CGREF1: variants seen among roughly 807,000 people sequenced by gnomAD.
CGREF1 encodes cell growth regulator with EF hand domain protein 1.
CGREF1 carries 16 observed loss-of-function variants against 17.4 expected under a neutral mutation model. The ratio of observed to expected loss-of-function variants is 0.92; its 90% CI spans 0.62 to 1.40. The LOEUF is 1.40. Ranked by LOEUF, CGREF1 falls within the 40% of genes most tolerant of loss-of-function variation. The pLI, the probability that CGREF1 is intolerant of heterozygous loss-of-function variation, is 0.00. For synonymous variants in CGREF1, 142 were observed against 154.6 expected, an observed-to-expected ratio of 0.92 and a Z score of 0.61; for missense variants, 296 against 376.4, an observed-to-expected ratio of 0.79 and a Z score of 1.77.
At chr2:27,111,285 T>G (rs1671370324) in intron 1 of CGREF1, among the ~76,000 whole-genome samples, 1 of 151,970 alleles carries the variant, frequency 6.6e-6, no homozygotes, top group Non-Finnish European at 1.5e-5. Flanking sequence ...AGATACAGAG[T>G]GTCAATTGGT....
chr2:27,101,291 C>G lies in CGREF1; in HGVS notation c.940G>C (p.Glu314Gln), dbSNP rs752199429. ...TTCAAGATCTAGATCTCATCATTCT[C>G]CACTTGAACAATGTGCACCTCAAAG... ...NDFEVHIVQV[E>Q]NDEI The change falls in exon 6 of 6, where the codon GAG (glutamate) becomes CAG (glutamine). Residue 314 changes from glutamate to glutamine, a missense_variant. Around this residue, in one of 3 missense-constraint regions of CGREF1, gnomAD observed 40 missense variants for 40.8 expected, o/e 0.98. Transcript: ENST00000402394. The G allele has an allele frequency of 6.4e-7, 1 of 1,564,948 alleles. No homozygotes were observed. The highest frequency in any genetic ancestry group is 1.9e-5 in the Admixed American group (1 of 53,730).
At chr2:27,112,014 C>T (rs936777179) in intron 1 of CGREF1, among the ~76,000 whole-genome samples, 3 of 152,238 alleles carry the variant, frequency 2.0e-5, no homozygotes, top group Admixed American at 2.0e-4. Context: ...ACTGTCACCT[C>T]TCACCAGCAC....
chr2:27,102,031 A>G (rs1234640100), intron 5 of CGREF1, 66 bp downstream of exon 5: 3 of 1,561,710 alleles, frequency 1.9e-6, no homozygotes, highest in Non-Finnish European at 1.7e-6. Context: ...AGTTATGATG[A>G]GAAAGACCAA....
chr2:27,112,525 T>G (rs1408019235), intron 1 of CGREF1, among the ~76,000 whole-genome samples: 1 of 152,186 alleles, frequency 6.6e-6, no homozygotes, highest in Non-Finnish European at 1.5e-5. Context: ...ACCTGAAATG[T>G]TTTTAGAGAG....
intron 1 of CGREF1, among the ~76,000 whole-genome samples, chr2:27,107,935 A>AC (rs1671196920): frequency 7.2e-6 from 1 of 138,784 alleles, no homozygotes; most frequent in Non-Finnish European, 1.5e-5. Flanking sequence ...CTCTGTCTCA[A>AC]AAAAAAAAAA....
intron 1 of CGREF1, among the ~76,000 whole-genome samples, chr2:27,117,705 A>ATTTT (rs35908937): frequency 0.018 from 2,202 of 123,042 alleles, 34 homozygotes; most frequent in Non-Finnish European, 0.027. Context: ...TGGGATCTGA[A>ATTTT]TTTTTTTTTT....
intron 1 of CGREF1, among the ~76,000 whole-genome samples, chr2:27,116,914 TCTCTC>T (rs1671602767): frequency 1.0e-5 from 1 of 98,224 alleles, no homozygotes; most frequent in African/African-American, 4.0e-5. Flanking sequence ...TCTCTCTCTC[TCTCTC>T]TCTCTTTTTT....
At chr2:27,102,652 A>G in intron 2 of CGREF1, 61 bp from the exon 3 acceptor site, 1 of 1,518,994 alleles carries the variant, frequency 6.6e-7, no homozygotes, top group Non-Finnish European at 8.9e-7. Flanking sequence ...CAGCCTGCCA[A>G]CCTTCTGCCT....
chr2:27,099,765 TC>T, downstream of CGREF1: 1 of 1,612,964 alleles, frequency 6.2e-7, no homozygotes, highest in South Asian at 1.1e-5. Flanking sequence ...AGGTGCCGGC[TC>T]CTCACACACC....
At position 27,100,871 on chromosome 2, in the gene CGREF1, G is replaced by A. The variant is rs144960310; in HGVS notation, c.*403C>T. On this transcript the variant is annotated 3_prime_UTR_variant, in exon 6 of 6. Transcript: ENST00000402394. ...TCTGAACACCAGGTGAGGGGGAACC[G>A]GTGAGGGTTTGGGGCCCAGGGATAG... is the stretch of plus-strand genomic sequence containing the variant. 9.6e-3 allele frequency: 10,483 copies of A among 1,088,346 alleles called. 74 individuals are homozygous for A. The highest frequency in any genetic ancestry group is 0.029 in the African/African-American group (1,712 of 59,886). The allele number at this position is 1,088,346 out of a possible 1,614,324, so 67.4% of individuals were successfully genotyped here.
intron 1 of CGREF1, among the ~76,000 whole-genome samples, chr2:27,108,648 A>T (rs1462131132): frequency 2.0e-5 from 3 of 148,368 alleles, no homozygotes; most frequent in African/African-American, 7.3e-5. Flanking sequence ...AAGAAAAGAC[A>T]AATCATCTCA....
downstream of CGREF1, chr2:27,099,756 G>A (rs761733526): frequency 2.1e-5 from 34 of 1,613,592 alleles, no homozygotes; most frequent in East Asian, 2.7e-4. Context: ...TGTGAGAGCA[G>A]GTGCCGGCTC....
In CGREF1 at chr2:27,101,328, G is replaced by A. The variant is rs1670819578; in HGVS notation, c.903C>T (p.Asn301=). The A allele has an allele frequency of 5.6e-6, 9 of 1,600,740 alleles. No homozygotes were observed. The Admixed American group carries it at 6.9e-5, about 12-fold the overall frequency. ...ELPGETLESK[N]TQNDFEVHIV... ...TGTGCACCTCAAAGTCATTTTGGGT[G>A]TTCTTAGACTCCAGTGTTTCCCCTG... The change falls in exon 6 of 6, where the codon AAC becomes AAT. Residue 301 remains asparagine, a synonymous_variant. Coordinates refer to ENST00000402394, the MANE Select transcript of CGREF1 (RefSeq NM_006569.6).
chr2:27,101,458 TCCC>T lies in CGREF1; in HGVS notation c.770_772del (p.Gly257del). On this transcript the variant is annotated inframe_deletion, in exon 6 of 6. Coordinates refer to ENST00000402394, the MANE Select transcript of CGREF1 (RefSeq NM_006569.6). The stretch of plus-strand genomic sequence containing the variant: ...TTCAGCCTCTGCCTGGCCCCCAGCT[TCCC>T]CTCTGGGCCCGGGGGCATCTCCTTC... 7.2e-7 allele frequency: 1 copy of T among 1,395,810 alleles called. No homozygotes were observed. Among genetic ancestry groups the T allele is most frequent in the East Asian group, 2.4e-5 (1 of 42,352 alleles). The allele number at this position is 1,395,810 out of a possible 1,614,324, so 86.5% of individuals were successfully genotyped here.
chr2:27,116,661 C>T (rs1394953272), intron 1 of CGREF1, among the ~76,000 whole-genome samples: 1 of 151,660 alleles, frequency 6.6e-6, no homozygotes, highest in African/African-American at 2.4e-5. Context: ...CCTCCACCTC[C>T]CGAGTTCAAG....
intron 1 of CGREF1, among the ~76,000 whole-genome samples, chr2:27,111,408 G>T (rs1671377385): frequency 6.6e-6 from 1 of 152,224 alleles, no homozygotes; most frequent in African/African-American, 2.4e-5. Context: ...AGACATAAAG[G>T]TTCTCCAAGT....
chr2:27,104,438 T>A, intron 1 of CGREF1, 61 bp from the exon 2 acceptor site: 1 of 1,589,772 alleles, frequency 6.3e-7, no homozygotes, highest in Non-Finnish European at 8.6e-7. Context: ...GTGTCACAGA[T>A]GGGCTGGGTT....
chr2:27,100,917 T>C lies in CGREF1; in HGVS notation c.*357A>G, dbSNP rs1670782898. The C allele has an allele frequency of 1.5e-5, 16 of 1,092,520 alleles. No individual in the cohort carries two copies. The South Asian group carries it at 4.2e-4, about 29-fold the overall frequency. The allele number at this position is 1,092,520 out of a possible 1,614,324, so 67.7% of individuals were successfully genotyped here. A position where few individuals can be genotyped will look rare whatever the true frequency, so the allele number is the denominator to read the frequency against. On this transcript the variant is annotated 3_prime_UTR_variant, in exon 6 of 6. Coordinates refer to ENST00000402394, the MANE Select transcript of CGREF1 (RefSeq NM_006569.6). ...GATAGACTGAGCTTTCCTCACTGGG[T>C]CCTCTGCAGCCGGCCATGGCTAGCA... is the stretch of plus-strand genomic sequence containing the variant.
chr2:27,106,179 A>G (rs186396072), intron 1 of CGREF1, among the ~76,000 whole-genome samples: 4 of 152,392 alleles, frequency 2.6e-5, no homozygotes, highest in East Asian at 3.9e-4. Flanking sequence ...AAATGTCCCA[A>G]TGAAAGTAAC....
Sources: allele counts gnomAD v4.1 joint callset (sites outside exome capture counted in the v4.1 genomes callset), GRCh38; gene constraint gnomAD v4.1.1; regional missense constraint gnomAD v4.1.1; transcripts MANE v1.5; gene names NCBI Gene and HGNC (gene_info 2026-07-23, HGNC 2026-07-21).